Variants in PKIB observed in about 807,000 individuals in gnomAD.
The protein encoded by PKIB is PKI-beta.
PKIB carries 2 observed loss-of-function variants against 4.5 expected under a neutral mutation model. The observed-to-expected ratio is 0.44, with a 90% CI of 0.18 to 1.39. PKIB has a LOEUF of 1.39. PKIB is among the 40% of genes most tolerant of loss of function. The pLI is 0.27. For synonymous variants in PKIB, 38 were observed against 36.0 expected (o/e 1.06, Z -0.20); for missense variants, 94 against 92.6 (o/e 1.02, Z -0.06).
intron 3 of PKIB, among the ~76,000 whole-genome samples, chr6:122,708,483 G>A (rs920206416): frequency 1.3e-5 from 2 of 152,180 alleles, no homozygotes; most frequent in African/African-American, 4.8e-5. Flanking sequence ...TATGGGCAGT[G>A]TAGGGGAGAT....
intron 2 of PKIB, among the ~76,000 whole-genome samples, chr6:122,541,485 T>G (rs1387363799): frequency 6.6e-6 from 1 of 152,030 alleles, no homozygotes; most frequent in African/African-American, 2.4e-5. Flanking sequence ...GAAAATTCTG[T>G]TCTTTAAGAA....
At chr6:122,518,507 G>T in intron 2 of PKIB, among the ~76,000 whole-genome samples, 1 of 152,084 alleles carries the variant, frequency 6.6e-6, no homozygotes, top group Admixed American at 6.5e-5. Context: ...GCTGTAGGTT[G>T]TCAGGACCTC....
chr6:122,563,250 C>T (rs1464739996), intron 2 of PKIB, among the ~76,000 whole-genome samples: 3 of 152,042 alleles, frequency 2.0e-5, no homozygotes, highest in South Asian at 4.1e-4. Flanking sequence ...GTCTAGCCAC[C>T]CAGTAAGTCT....
chr6:122,498,646 T>C (rs1562229666), intron 2 of PKIB, among the ~76,000 whole-genome samples: 1 of 152,060 alleles, frequency 6.6e-6, no homozygotes, highest in Non-Finnish European at 1.5e-5. Context: ...TGAGCTAACA[T>C]CACATCTAGA....
At chr6:122,584,642 T>A (rs1216315064) in intron 2 of PKIB, among the ~76,000 whole-genome samples, 1 of 152,144 alleles carries the variant, frequency 6.6e-6, no homozygotes, top group Non-Finnish European at 1.5e-5. Flanking sequence ...TGAAGAAAAA[T>A]TGAATTATAT....
At chr6:122,516,001 C>T (rs1200601161) in intron 2 of PKIB, among the ~76,000 whole-genome samples, 1 of 152,188 alleles carries the variant, frequency 6.6e-6, no homozygotes. Flanking sequence ...GCGTGAACCA[C>T]CACGCCCGGC....
intron 1 of PKIB, among the ~76,000 whole-genome samples, chr6:122,625,187 A>T (rs919592075): frequency 3.9e-5 from 6 of 152,220 alleles, no homozygotes; most frequent in South Asian, 4.1e-4. Context: ...GAGATGTTTA[A>T]CTACTTGTAT....
At chr6:122,663,025 A>C (rs1408802883) in intron 2 of PKIB, among the ~76,000 whole-genome samples, 3 of 152,082 alleles carry the variant, frequency 2.0e-5, no homozygotes, top group South Asian at 2.1e-4. Context: ...GAAAAACTTC[A>C]TGGAAATTGG....
rs2114874157 is a variant in PKIB at position 122,649,664 on chromosome 6, G to T, written c.-76+16297G>T. ...ATACCCAACGTTAAAATGCTTGGTG[G>T]GTCAGACAACAACCATTTAATGATG... is the stretch of plus-strand genomic sequence containing the variant. On this transcript the variant is annotated intron_variant, in intron 2 of 4. Coordinates refer to ENST00000368452, the MANE Select transcript of PKIB (RefSeq NM_181795.3). Among the ~76,000 whole-genome samples the T allele has an allele frequency of 2.0e-5, 3 of 152,194 alleles. No homozygotes were observed. The East Asian group carries it at 5.8e-4, about 29-fold the overall frequency.
At chr6:122,697,385 T>C (rs1036051393) in intron 3 of PKIB, among the ~76,000 whole-genome samples, 3 of 151,896 alleles carry the variant, frequency 2.0e-5, no homozygotes, top group African/African-American at 7.3e-5. Context: ...TTGACATCAG[T>C]TTAAATCTTG....
chr6:122,719,616 A>G (rs1444223216), intron 4 of PKIB, among the ~76,000 whole-genome samples: 1 of 152,130 alleles, frequency 6.6e-6, no homozygotes, highest in African/African-American at 2.4e-5. Context: ...AAGTAAGTTC[A>G]GGGGATCTAT....
chr6:122,686,106 G>T (rs1468164088), intron 3 of PKIB, among the ~76,000 whole-genome samples: 1 of 152,160 alleles, frequency 6.6e-6, no homozygotes, highest in Non-Finnish European at 1.5e-5. Context: ...GAATAATGCT[G>T]CAGTCAACAT....
At chr6:122,546,184 G>T (rs984282552) in intron 2 of PKIB, among the ~76,000 whole-genome samples, 1 of 151,966 alleles carries the variant, frequency 6.6e-6, no homozygotes, top group East Asian at 1.9e-4. Context: ...TTTTTGGGTG[G>T]TCAAGATAGA....
chr6:122,654,928 T>C (rs1776708189), intron 2 of PKIB, among the ~76,000 whole-genome samples: 1 of 152,192 alleles, frequency 6.6e-6, no homozygotes, highest in Admixed American at 6.5e-5. Flanking sequence ...CTTTTGGCCT[T>C]CATGTTTTCT....
rs577587019 is a variant in PKIB, at chr6:122,559,926, T to C, written c.-247-25995T>C. 2.0e-5 allele frequency among the ~76,000 whole-genome samples: 3 copies of C among 152,310 alleles called. No homozygotes were observed. The East Asian group carries it at 5.8e-4, about 29-fold the overall frequency. On this transcript the variant is annotated intron_variant, in intron 2 of 6. Coordinates refer to the PKIB transcript ENST00000392491. ...AACTTTGCTGAATTCTTTTATCAGT[T>C]CTAGGAGCTTTCTGGAGGAATCCTT...
At chr6:122,593,527 A>C (rs879747093) in intron 3 of PKIB, among the ~76,000 whole-genome samples, 2 of 152,146 alleles carry the variant, frequency 1.3e-5, no homozygotes, top group Non-Finnish European at 2.9e-5. Context: ...ATTGATAGTG[A>C]CTTTATTACG....
intron 2 of PKIB, among the ~76,000 whole-genome samples, chr6:122,664,665 G>T (rs1052480926): frequency 6.6e-6 from 1 of 152,086 alleles, no homozygotes; most frequent in Non-Finnish European, 1.5e-5. Flanking sequence ...CAAGTGCTGG[G>T]ATTACGGATA....
intron 3 of PKIB, among the ~76,000 whole-genome samples, chr6:122,600,772 A>G (rs1487840020): frequency 6.6e-6 from 1 of 152,156 alleles, no homozygotes; most frequent in Non-Finnish European, 1.5e-5. Flanking sequence ...TGATGTCTGG[A>G]ATCTAATAAA....
chr6:122,481,440 A>G (rs1166667312), intron 2 of PKIB: 1 of 152,220 alleles, frequency 6.6e-6, no homozygotes, highest in Non-Finnish European at 1.5e-5. Flanking sequence ...CTAATAAATA[A>G]TTACTGTTAC....
Sources: allele counts gnomAD v4.1 joint callset (sites outside exome capture counted in the v4.1 genomes callset), GRCh38; gene constraint gnomAD v4.1.1; transcripts MANE v1.5; gene names NCBI Gene and HGNC (gene_info 2026-07-23, HGNC 2026-07-21).